Variants in MACROD1 observed in about 807,000 individuals in gnomAD.
The protein encoded by MACROD1 is ADP-ribose glycohydrolase MACROD1.
A neutral mutation model predicts 41.4 loss-of-function variants in MACROD1; 31 were observed. The observed-to-expected ratio is 0.75, with a 90% CI of 0.56 to 1.01. The LOEUF (loss-of-function observed/expected upper bound fraction) is 1.01. MACROD1 is among the 50% of genes least tolerant of loss of function. MACROD1 has a pLI of 0.00. For synonymous variants in MACROD1, 252 were observed against 203.4 expected, an observed-to-expected ratio of 1.24 and a Z score of -2.03; for missense variants, 473 against 460.0, an observed-to-expected ratio of 1.03 and a Z score of -0.26.
chr11:64,095,112 G>C (rs916085702), intron 3 of MACROD1, among the ~76,000 whole-genome samples: 9 of 152,354 alleles, frequency 5.9e-5, no homozygotes, highest in African/African-American at 2.2e-4. Context: ...GGAAACCTCA[G>C]AGGAAAGCCA....
chr11:64,075,817 C>T (rs1052696203), intron 3 of MACROD1, among the ~76,000 whole-genome samples: 1 of 152,258 alleles, frequency 6.6e-6, no homozygotes, highest in Non-Finnish European at 1.5e-5. Flanking sequence ...GAGTTATAGA[C>T]TTGAGCCACC....
intron 4 of MACROD1, among the ~76,000 whole-genome samples, chr11:64,013,993 CCCCACA>C (rs1565194767): frequency 6.6e-6 from 1 of 152,126 alleles, no homozygotes; most frequent in Non-Finnish European, 1.5e-5. Context: ...CCACCCCCAC[CCCCACA>C]CCACAGATCA....
chr11:64,102,592 G>T (rs941275588), intron 3 of MACROD1, among the ~76,000 whole-genome samples: 1 of 152,218 alleles, frequency 6.6e-6, no homozygotes, highest in Non-Finnish European at 1.5e-5. Context: ...GCCCTGCACG[G>T]CCAGGAGCTC....
intron 1 of MACROD1, among the ~76,000 whole-genome samples, chr11:64,153,903 CAAAT>C (rs996198907): frequency 1.3e-5 from 2 of 152,072 alleles, no homozygotes; most frequent in African/African-American, 4.8e-5. Context: ...TGCCTGCCCT[CAAAT>C]AATCCCGTCC....
chr11:64,080,708 C>A (rs563533435), intron 3 of MACROD1, among the ~76,000 whole-genome samples: 1 of 152,170 alleles, frequency 6.6e-6, no homozygotes, highest in Non-Finnish European at 1.5e-5. Context: ...GACCCAGGAC[C>A]GGGGAAGGAG....
Position 63,998,828 on chromosome 11 carries a change from C to T in MACROD1, c.*30+10G>A. The T allele has an allele frequency of 6.4e-7, 1 of 1,559,016 alleles. No individual in the cohort carries two copies. ...GCCGGGGCCGCCGCACGGGGCGAGG[C>T]CCTGCTTACCAGTCCCGGTCAGGGT... On this transcript the variant is annotated intron_variant, in intron 10 of 10. Transcript: ENST00000255681.
rs540844130 is a variant in MACROD1 at position 64,096,636 on chromosome 11, C to T, written c.517+54603G>A. On this transcript the variant is annotated intron_variant, in intron 3 of 10. Coordinates refer to ENST00000255681, the MANE Select transcript of MACROD1 (RefSeq NM_014067.4). The surrounding 1 kb of genome is among the most constrained non-coding windows in gnomAD (Gnocchi z 4.6). Reference sequence around the variant, plus strand: ...ATCAACATGTTGGCCAGGCTGGTCTCGAACTCCTGACCTCAAGTTATCCGC... The same window carrying T: ...ATCAACATGTTGGCCAGGCTGGTCTTGAACTCCTGACCTCAAGTTATCCGC... Among the ~76,000 whole-genome samples, 27 of 152,222 alleles carry T rather than the reference C, an allele frequency of 1.8e-4. No individual in the cohort carries two copies. The highest frequency in any genetic ancestry group is 1.2e-3 in the South Asian group (6 of 4,824).
intron 3 of MACROD1, among the ~76,000 whole-genome samples, chr11:64,114,638 AATGG>A (rs980576422): frequency 2.8e-5 from 4 of 142,724 alleles, no homozygotes; most frequent in African/African-American, 1.1e-4. Flanking sequence ...TGCATGCATG[AATGG>A]ATGGATGGAT....
At chr11:64,111,285 G>A (rs992086904) in intron 3 of MACROD1, among the ~76,000 whole-genome samples, 17 of 152,238 alleles carry the variant, frequency 1.1e-4, no homozygotes, top group Admixed American at 4.6e-4. Context: ...CCAGAACTCA[G>A]CAGCCAACAG....
chr11:64,113,330 T>C (rs1416049502), intron 3 of MACROD1, among the ~76,000 whole-genome samples: 2 of 152,228 alleles, frequency 1.3e-5, no homozygotes, highest in Admixed American at 6.5e-5. Context: ...TGGAATATAG[T>C]AGATGCTCAA....
At chr11:64,127,532 C>A (rs1201266224) in intron 3 of MACROD1, among the ~76,000 whole-genome samples, 1 of 152,256 alleles carries the variant, frequency 6.6e-6, no homozygotes, top group Admixed American at 6.5e-5. Context: ...AGGATGGAGA[C>A]TGTTCCCTCC....
intron 3 of MACROD1, among the ~76,000 whole-genome samples, chr11:64,131,402 C>T (rs114480724): frequency 3.3e-5 from 5 of 152,262 alleles, no homozygotes; most frequent in African/African-American, 4.8e-5. Context: ...GAGGTGATCT[C>T]GGCAGCTTCC....
intron 3 of MACROD1, among the ~76,000 whole-genome samples, chr11:64,037,644 A>G (rs1234361978): frequency 6.6e-6 from 1 of 152,106 alleles, no homozygotes; most frequent in Non-Finnish European, 1.5e-5. Context: ...CCATGGGCAC[A>G]GGGTGTGTGT....
At chr11:64,033,982 G>A (rs1481319725) in intron 3 of MACROD1, among the ~76,000 whole-genome samples, 1 of 152,146 alleles carries the variant, frequency 6.6e-6, no homozygotes, top group Non-Finnish European at 1.5e-5. Flanking sequence ...ATAACATTTT[G>A]ATATCTAAGT....
At chr11:64,026,087 A>G (rs1290200232) in intron 3 of MACROD1, among the ~76,000 whole-genome samples, 1 of 151,914 alleles carries the variant, frequency 6.6e-6, no homozygotes, top group East Asian at 1.9e-4. Context: ...AGGCTAAGGC[A>G]GGAGAATTGC....
At chr11:64,101,631 T>G (rs929716836) in intron 3 of MACROD1, among the ~76,000 whole-genome samples, 1 of 152,188 alleles carries the variant, frequency 6.6e-6, no homozygotes, top group African/African-American at 2.4e-5. Context: ...GAAATTACAA[T>G]TTATAATTGG....
chr11:64,152,071 G>A (rs1366833975), intron 2 of MACROD1, among the ~76,000 whole-genome samples: 2 of 152,246 alleles, frequency 1.3e-5, no homozygotes, highest in Admixed American at 6.5e-5. Flanking sequence ...GGAGGTTGCA[G>A]TGAGCCAAGA....
intron 1 of MACROD1, among the ~76,000 whole-genome samples, chr11:64,164,644 A>G (rs890976529): frequency 6.6e-6 from 1 of 152,226 alleles, no homozygotes; most frequent in Non-Finnish European, 1.5e-5. Flanking sequence ...TGTCAGGAGT[A>G]AATCATTTTG....
In MACROD1 at chr11:63,999,036, C is replaced by A; in HGVS notation, c.892G>T (p.Val298Leu). ...AACACGCAGATGATCAGCCGGTCCA[C>A]CTGCGCCAGGGGCTGCTCAGCCTGG... Reference protein sequence around the residue: ...REWLEQHKDKVDRLIICVFLE... With the variant: ...REWLEQHKDKLDRLIICVFLE... The change falls in exon 9 of 11, where the codon GTG (valine) becomes TTG (leucine). Residue 298 changes from valine to leucine, a missense_variant and splice_region_variant. Coordinates refer to ENST00000255681, the MANE Select transcript of MACROD1 (RefSeq NM_014067.4). 6.2e-7 allele frequency: 1 copy of A among 1,601,856 alleles called. No individual in the cohort carries two copies. The highest frequency in any genetic ancestry group is 8.5e-7 in the Non-Finnish European group (1 of 1,175,230).
Sources: gnomAD v4.1 joint callset for allele counts (sites outside exome capture counted in the v4.1 genomes callset) on GRCh38, gnomAD v4.1.1 for gene constraint, Gnocchi (gnomAD v3.1) non-coding constraint, MANE v1.5 for transcripts, NCBI Gene and HGNC (gene_info 2026-07-23, HGNC 2026-07-21) for gene names.